Variants in NR2C2 observed in about 807,000 individuals in gnomAD.
The protein encoded by NR2C2 is Nuclear hormone receptor TR4.
A neutral mutation model predicts 62.9 loss-of-function variants in NR2C2; 6 were observed. The ratio of observed to expected loss-of-function variants is 0.10; its 90% CI spans 0.05 to 0.19. NR2C2 has a LOEUF of 0.19. NR2C2 is among the 10% of genes least tolerant of loss of function. The pLI is 1.00. For synonymous variants in NR2C2, 272 were observed against 273.8 expected, an observed-to-expected ratio of 0.99 and a Z score of 0.07; for missense variants, 479 against 762.7, an observed-to-expected ratio of 0.63 and a Z score of 4.38.
At chr3:14,983,892 A>AT (rs1001151187) in intron 1 of NR2C2, among the ~76,000 whole-genome samples, 5 of 151,656 alleles carry the variant, frequency 3.3e-5, no homozygotes, top group Non-Finnish European at 7.4e-5. Context: ...TTATTATTAT[A>AT]TTTTTTTATT....
At chr3:14,999,275 C>T (rs919926098) in intron 1 of NR2C2, among the ~76,000 whole-genome samples, 2 of 150,822 alleles carry the variant, frequency 1.3e-5, no homozygotes, top group Non-Finnish European at 3.0e-5. Context: ...GAGATCGCAC[C>T]ATTGCACTCC....
rs760925605 is a variant in NR2C2, at chr3:15,028,619, G to A, written c.832G>A (p.Ala278Thr). 6.2e-7 allele frequency: 1 copy of A among 1,613,960 alleles called. No individual in the cohort carries two copies. The highest frequency in any genetic ancestry group is 2.2e-5 in the East Asian group (1 of 44,882). ...AAGCCAGGGAGCTCTGGGCACACTGGCAAATGTAGTGACCTCCCTTGCCAA... is the reference window on the plus strand; with the variant it reads ...AAGCCAGGGAGCTCTGGGCACACTGACAAATGTAGTGACCTCCCTTGCCAA... Reference protein sequence around the residue: ...ETSQGALGTLANVVTSLANLS... With the variant: ...ETSQGALGTLTNVVTSLANLS... Residue 278 changes from alanine to threonine, a missense_variant, in exon 8 of 14, where the codon GCA becomes ACA. Transcript: ENST00000425241.
intron 1 of NR2C2, among the ~76,000 whole-genome samples, chr3:14,982,152 A>C (rs558705132): frequency 6.6e-6 from 1 of 152,164 alleles, no homozygotes; most frequent in Admixed American, 6.5e-5. Context: ...CTGCAGCCTC[A>C]CTCTTGGGCT....
intron 7 of NR2C2, chr3:15,026,033 T>C (rs1003995799): frequency 6.6e-6 from 1 of 152,562 alleles, no homozygotes; most frequent in African/African-American, 2.4e-5. Flanking sequence ...TTCTTTTTTT[T>C]TTTGAGACAG....
chr3:14,980,318 A>T (rs75854619), intron 1 of NR2C2, among the ~76,000 whole-genome samples: 79 of 118,324 alleles, frequency 6.7e-4, no homozygotes, highest in East Asian at 3.9e-3. Flanking sequence ...CCAGCTAATT[A>T]AAAAAAAAAA....
chr3:14,965,543 AAAAG>A (rs1325215907), intron 1 of NR2C2, among the ~76,000 whole-genome samples: 2 of 143,614 alleles, frequency 1.4e-5, no homozygotes, highest in Non-Finnish European at 3.1e-5. Context: ...AAAAAAAAAA[AAAAG>A]CATTTTTAGA....
intron 1 of NR2C2, among the ~76,000 whole-genome samples, chr3:14,983,232 C>T (rs2040423272): frequency 6.6e-6 from 1 of 151,940 alleles, no homozygotes; most frequent in Non-Finnish European, 1.5e-5. Context: ...ATTTTGTACC[C>T]ATTAACCATC....
intron 3 of NR2C2, among the ~76,000 whole-genome samples, chr3:15,014,632 A>C (rs562506461): frequency 6.6e-6 from 1 of 152,148 alleles, no homozygotes; most frequent in Non-Finnish European, 1.5e-5. Context: ...CTCTGTACTC[A>C]TTGAATAGTA....
intron 8 of NR2C2, among the ~76,000 whole-genome samples, chr3:15,029,854 C>CA (rs2041928942): frequency 7.5e-6 from 1 of 132,712 alleles, no homozygotes; most frequent in Admixed American, 7.6e-5. Flanking sequence ...TAGATAGACC[C>CA]CATCTCTGAA....
intron 4 of NR2C2, among the ~76,000 whole-genome samples, chr3:15,017,282 A>T (rs1197006813): frequency 6.6e-6 from 1 of 152,076 alleles, no homozygotes; most frequent in Non-Finnish European, 1.5e-5. Context: ...GGTAAACCCA[A>T]CCCATCCTAT....
intron 1 of NR2C2, 93 bp from the exon 2 acceptor site, chr3:15,003,783 C>T (rs1357977469): frequency 1.2e-5 from 9 of 759,298 alleles, no homozygotes; most frequent in Non-Finnish European, 1.8e-5. Flanking sequence ...TTCATCACTC[C>T]AGGCCACAGT....
chr3:15,039,099 G>GT, intron 12 of NR2C2, 23 bp from the exon 13 acceptor site: 1 of 1,567,402 alleles, frequency 6.4e-7, no homozygotes, highest in East Asian at 2.2e-5. Context: ...GGGAACTGGG[G>GT]GGGGGTACTT....
At chr3:15,004,845 A>T (rs911335200) in intron 2 of NR2C2, among the ~76,000 whole-genome samples, 7 of 152,006 alleles carry the variant, frequency 4.6e-5, no homozygotes, top group African/African-American at 1.7e-4. Context: ...CCCTTTCTTG[A>T]TCTTAGCCAA....
chr3:14,955,861 G>C (rs2039509873), intron 1 of NR2C2, among the ~76,000 whole-genome samples: 2 of 151,658 alleles, frequency 1.3e-5, no homozygotes, highest in African/African-American at 2.4e-5. Context: ...TGTCAACACA[G>C]AAAATTGTAG....
At chr3:14,966,727 G>A (rs551948911) in intron 1 of NR2C2, among the ~76,000 whole-genome samples, 5 of 152,212 alleles carry the variant, frequency 3.3e-5, no homozygotes, top group African/African-American at 1.2e-4. Flanking sequence ...CATCTAAGTG[G>A]CAAATACCAA....
intron 1 of NR2C2, among the ~76,000 whole-genome samples, chr3:14,985,499 C>T (rs1246933379): frequency 6.6e-6 from 1 of 151,898 alleles, no homozygotes; most frequent in Non-Finnish European, 1.5e-5. Flanking sequence ...TTGAAATTGG[C>T]TTAATTTATT....
At chr3:15,014,812 T>C (rs1485777434) in intron 3 of NR2C2, among the ~76,000 whole-genome samples, 2 of 152,262 alleles carry the variant, frequency 1.3e-5, no homozygotes, top group Admixed American at 1.3e-4. Flanking sequence ...TTTTAAAGGC[T>C]GAGTAGTATT....
At chr3:15,025,368 C>A (rs2041795148) in intron 7 of NR2C2, among the ~76,000 whole-genome samples, 1 of 152,176 alleles carries the variant, frequency 6.6e-6, no homozygotes, top group South Asian at 2.1e-4. Flanking sequence ...TTGTAAATTT[C>A]TTGGTACACA....
At chr3:14,975,038 A>G (rs2040163615) in intron 1 of NR2C2, among the ~76,000 whole-genome samples, 1 of 152,114 alleles carries the variant, frequency 6.6e-6, no homozygotes, top group Non-Finnish European at 1.5e-5. Flanking sequence ...CCCTTATGGG[A>G]TGTGCATTGT....
Sources: allele counts gnomAD v4.1 joint callset (sites outside exome capture counted in the v4.1 genomes callset), GRCh38; gene constraint gnomAD v4.1.1; transcripts MANE v1.5; gene names NCBI Gene and HGNC (gene_info 2026-07-23, HGNC 2026-07-21).